Variants in STK32C observed in about 807,000 individuals in gnomAD.
The protein encoded by STK32C is serine/threonine kinase 32C.
STK32C carries 31 observed loss-of-function variants against 56.5 expected under a neutral mutation model. The observed-to-expected ratio is 0.55, with a 90% CI of 0.41 to 0.74. The LOEUF is 0.74. STK32C is among the 30% of genes least tolerant of loss of function. The pLI, the probability that STK32C is intolerant of heterozygous loss-of-function variation, is 0.00. For missense variants in STK32C, 544 were observed against 676.9 expected (o/e 0.80, Z 2.18); for synonymous variants, 309 against 289.4 (o/e 1.07, Z -0.69).
Position 132,222,866 on chromosome 10 carries a change from G to A in STK32C, c.1114C>T (p.Pro372Ser). The change falls in exon 9 of 12, where the codon CCC becomes TCC. Residue 372 changes from proline to serine, a missense_variant. Transcript: ENST00000298630. ...TGAGCCGCCCACAGGCTTACGTTGG[G>A]CACGAAGCCCGGCTCCACCCTCTTC... ...SEKRVEPGFV[P>S]NKGRLHCDPT... 6.3e-7 allele frequency: 1 copy of A among 1,587,298 alleles called. No individual in the cohort carries two copies. Among genetic ancestry groups the A allele is most frequent in the Non-Finnish European group, 8.6e-7 (1 of 1,169,188 alleles).
At chr10:132,307,988 G>GGGC, upstream of STK32C, 1 of 990,282 alleles carries the variant, frequency 1.0e-6, no homozygotes, top group Non-Finnish European at 1.2e-6. The surrounding 1 kb of genome is among the most constrained non-coding windows in gnomAD (Gnocchi z 4.4). Flanking sequence ...CGAGCGCTGG[G>GGGC]GGCGGGGCAG....
chr10:132,266,616 C>A (rs1342398866), intron 1 of STK32C, among the ~76,000 whole-genome samples: 1 of 152,082 alleles, frequency 6.6e-6, no homozygotes, highest in Non-Finnish European at 1.5e-5. Context: ...CCTGCCCACG[C>A]CAAGGAGCCC....
intron 1 of STK32C, among the ~76,000 whole-genome samples, chr10:132,279,809 T>C (rs2065104373): frequency 1.4e-5 from 2 of 143,092 alleles, no homozygotes; most frequent in South Asian, 4.5e-4. Flanking sequence ...CATTCCATGA[T>C]CACTCTGAGG....
At chr10:132,305,863 G>A (rs1319778565) in intron 1 of STK32C, among the ~76,000 whole-genome samples, 1 of 152,206 alleles carries the variant, frequency 6.6e-6, no homozygotes, top group East Asian at 1.9e-4. Flanking sequence ...AAGCCCAGCT[G>A]AGTCCCGGCG....
intron 10 of STK32C, among the ~76,000 whole-genome samples, chr10:132,220,874 G>A (rs531015257): frequency 8.5e-5 from 13 of 152,258 alleles, no homozygotes; most frequent in East Asian, 7.7e-4. Context: ...CTGGACTTCC[G>A]ATTTACAGAA....
chr10:132,319,613 AC>A (rs943312235), downstream of STK32C, among the ~76,000 whole-genome samples: 4 of 152,216 alleles, frequency 2.6e-5, no homozygotes, highest in African/African-American at 9.6e-5. Context: ...TAAAATGTGC[AC>A]CCCATTGTCC....
chr10:132,224,232 T>C (rs1213493263), intron 8 of STK32C, among the ~76,000 whole-genome samples, 175 bp downstream of exon 8: 2 of 152,254 alleles, frequency 1.3e-5, no homozygotes, highest in East Asian at 3.9e-4. Flanking sequence ...ACCAGCTCGC[T>C]TCCTGGGGCT....
intron 1 of STK32C, among the ~76,000 whole-genome samples, chr10:132,274,742 G>A (rs917372412): frequency 2.0e-5 from 3 of 152,168 alleles, no homozygotes; most frequent in Admixed American, 6.5e-5. Context: ...GGAGGGCCCC[G>A]AGATGTCCCC....
chr10:132,270,561 C>T (rs545034227), intron 1 of STK32C, among the ~76,000 whole-genome samples: 8 of 152,348 alleles, frequency 5.3e-5, no homozygotes, highest in South Asian at 4.1e-4. Flanking sequence ...CCGTGAGTTA[C>T]GGCAACCCCA....
intron 1 of STK32C, among the ~76,000 whole-genome samples, chr10:132,284,702 C>G (rs1382496669): frequency 6.6e-6 from 1 of 151,330 alleles, no homozygotes; most frequent in Non-Finnish European, 1.5e-5. Flanking sequence ...GCCCAAAGAC[C>G]AGGCATGAAC....
chr10:132,214,096 AAAT>A (rs2062396331), intron 10 of STK32C, among the ~76,000 whole-genome samples: 1 of 151,996 alleles, frequency 6.6e-6, no homozygotes, highest in African/African-American at 2.4e-5. Flanking sequence ...AGAATATTTG[AAAT>A]AATAATGACT....
intron 1 of STK32C, among the ~76,000 whole-genome samples, chr10:132,274,055 G>C (rs535579179): frequency 6.6e-6 from 1 of 152,332 alleles, no homozygotes; most frequent in South Asian, 2.1e-4. Flanking sequence ...TTAAACATTT[G>C]CGAGGTGAAG....
chr10:132,248,530 C>T (rs1335153967), intron 1 of STK32C, among the ~76,000 whole-genome samples: 1 of 152,252 alleles, frequency 6.6e-6, no homozygotes, highest in Non-Finnish European at 1.5e-5. Flanking sequence ...GCCCAGAGAC[C>T]CCTGTGCTCC....
chr10:132,245,210 G>T (rs569892019), intron 2 of STK32C, among the ~76,000 whole-genome samples: 4 of 152,194 alleles, frequency 2.6e-5, no homozygotes, highest in Non-Finnish European at 4.4e-5. Context: ...GAGCAGGAGG[G>T]AGGCAGCACC....
chr10:132,287,856 G>A (rs539682259), intron 1 of STK32C, among the ~76,000 whole-genome samples: 1 of 152,254 alleles, frequency 6.6e-6, no homozygotes, highest in African/African-American at 2.4e-5. Flanking sequence ...TAATACTAAT[G>A]AGTAGCAGAA....
chr10:132,277,222 A>T (rs7079445), intron 1 of STK32C, among the ~76,000 whole-genome samples: 65,953 of 152,018 alleles, frequency 0.43, 15,458 homozygotes, highest in African/African-American at 0.6. Context: ...AAACCACCGA[A>T]GACGGGCCGA....
exon 1 of STK32C, chr10:132,331,577 G>A (rs1180241457): frequency 8.1e-6 from 13 of 1,612,930 alleles, no homozygotes; most frequent in Admixed American, 1.7e-5. Context: ...GTGGCTCCAG[G>A]AAGCCCCAGG....
intron 1 of STK32C, among the ~76,000 whole-genome samples, chr10:132,286,906 C>T (rs977835704): frequency 6.6e-6 from 1 of 152,136 alleles, no homozygotes; most frequent in Non-Finnish European, 1.5e-5. Context: ...TGCAATGAGG[C>T]AGAAAGTTTT....
chr10:132,245,252 G>A (rs1470302562), intron 2 of STK32C, among the ~76,000 whole-genome samples: 1 of 152,212 alleles, frequency 6.6e-6, no homozygotes, highest in Non-Finnish European at 1.5e-5. Context: ...CAGCTGAAAA[G>A]AACTGTCCAT....
Sources: allele counts gnomAD v4.1 joint callset (sites outside exome capture counted in the v4.1 genomes callset), GRCh38; gene constraint gnomAD v4.1.1; non-coding constraint Gnocchi (gnomAD v3.1); transcripts MANE v1.5; gene names NCBI Gene and HGNC (gene_info 2026-07-23, HGNC 2026-07-21).